The following NFIB variants were observed in gnomAD, a reference collection of about 807,000 sequenced individuals.
NFIB encodes nuclear factor I B.
A neutral mutation model predicts 61.5 loss-of-function variants in NFIB; 11 were observed. The ratio of observed to expected loss-of-function variants is 0.18; its 90% CI spans 0.11 to 0.30. The LOEUF (loss-of-function observed/expected upper bound fraction) is 0.30, where lower values mean the gene tolerates loss of function less well. NFIB is among the 10% of genes least tolerant of loss of function. NFIB has a pLI of 1.00. For synonymous variants in NFIB, 260 were observed against 216.5 expected (o/e 1.20, Z -1.76); for missense variants, 471 against 608.9 (o/e 0.77, Z 2.38).
At chr9:14,481,792 GA>G in the NFIB span, among the ~76,000 whole-genome samples, 3 of 152,104 alleles carry the variant, frequency 2.0e-5, no homozygotes, top group African/African-American at 7.2e-5. Context: ...AAGGCCTTGT[GA>G]TCTGTCAAAG....
chr9:14,334,947 T>C (rs1354526277), intron 1 of NFIB, among the ~76,000 whole-genome samples: 2 of 152,246 alleles, frequency 1.3e-5, no homozygotes, highest in Admixed American at 1.3e-4. Context: ...GTATGTACTC[T>C]TTTTCATCTG....
At chr9:14,192,952 G>C (rs1489730640) in intron 2 of NFIB, among the ~76,000 whole-genome samples, 1 of 151,788 alleles carries the variant, frequency 6.6e-6, no homozygotes. Flanking sequence ...ATAGAATTAA[G>C]CAGTATTAGA....
intron 2 of NFIB, among the ~76,000 whole-genome samples, chr9:14,216,527 T>C (rs1235192752): frequency 1.1e-3 from 35 of 30,774 alleles, no homozygotes; most frequent in African/African-American, 6.9e-3. Flanking sequence ...TCTCTCTCTC[T>C]CTCTCTCTCT....
At chr9:14,398,590 G>A in exon 1 of NFIB, 3 of 1,534,790 alleles carry the variant, frequency 2.0e-6, no homozygotes, top group East Asian at 4.9e-5. Flanking sequence ...GAACTGCACA[G>A]CAGACAACCC....
the NFIB span, among the ~76,000 whole-genome samples, chr9:14,500,750 A>C: frequency 6.6e-6 from 1 of 152,132 alleles, no homozygotes; most frequent in Non-Finnish European, 1.5e-5. Flanking sequence ...TTCTCTTCTT[A>C]GTGGGAGGAG....
At chr9:14,132,897 CT>C (rs1264309795) in intron 6 of NFIB, among the ~76,000 whole-genome samples, 1 of 151,754 alleles carries the variant, frequency 6.6e-6, no homozygotes, top group Non-Finnish European at 1.5e-5. Flanking sequence ...TTTTCTTCAT[CT>C]TCTTTTTTTG....
At chr9:14,343,903 C>G (rs2060985091) in intron 1 of NFIB, among the ~76,000 whole-genome samples, 1 of 152,110 alleles carries the variant, frequency 6.6e-6, no homozygotes, top group South Asian at 2.1e-4. Flanking sequence ...TGGTTAAAAA[C>G]TGAAGTGCAA....
chr9:14,503,621 A>T, the NFIB span, among the ~76,000 whole-genome samples: 1 of 152,052 alleles, frequency 6.6e-6, no homozygotes, highest in South Asian at 2.1e-4. Context: ...GGCCACTTGT[A>T]TATCTTCTTT....
the NFIB span, among the ~76,000 whole-genome samples, chr9:14,455,091 G>A: frequency 6.6e-6 from 1 of 152,184 alleles, no homozygotes; most frequent in African/African-American, 2.4e-5. Flanking sequence ...AATACCTGAT[G>A]ACTGTCAGGA....
At chr9:14,419,437 C>T in the NFIB span, among the ~76,000 whole-genome samples, 3 of 152,138 alleles carry the variant, frequency 2.0e-5, no homozygotes, top group Non-Finnish European at 2.9e-5. Context: ...CAACCATGCC[C>T]ACAGACAGGG....
At position 14,120,346 on chromosome 9, in the gene NFIB, T is replaced by G; in HGVS notation, c.1245+94A>C. The G allele has an allele frequency of 7.5e-7, 1 of 1,330,894 alleles. No individual in the cohort carries two copies. The highest frequency in any genetic ancestry group is 1.1e-6 in the Non-Finnish European group (1 of 929,332). 82.4% of individuals were successfully genotyped at this position (1,330,894 alleles called of 1,614,324 possible). On this transcript the variant is annotated intron_variant, in intron 8 of 10. Transcript: ENST00000380953. The surrounding 1 kb of genome is among the most constrained non-coding windows in gnomAD (Gnocchi z 4.4). ...AGATGGATTTCAAGGCTTGACGTTCTGCCAGACACACTGTCTGACTAACCT... is the reference window on the plus strand; with the variant it reads ...AGATGGATTTCAAGGCTTGACGTTCGGCCAGACACACTGTCTGACTAACCT...
Position 14,313,835 on chromosome 9 carries a change from G to C in NFIB, c.-324C>G. ...GCTTTTCGCCTGGGTTTGGGGATTT[G>C]TTTTCTATTTTGCAGTTGTTGTTGT... On this transcript the variant is annotated 5_prime_UTR_variant, in exon 1 of 11. Transcript: ENST00000380953. This position sits in a 1 kb window ranked among gnomAD's most constrained non-coding sequence, Gnocchi z 4.5. 1 of 1,270,690 alleles carries C rather than the reference G, an allele frequency of 7.9e-7. No homozygotes were observed. Among genetic ancestry groups the C allele is most frequent in the Non-Finnish European group, 1.0e-6 (1 of 1,004,232 alleles). The allele number at this position is 1,270,690 out of a possible 1,614,324, so 78.7% of individuals were successfully genotyped here. A position where few individuals can be genotyped will look rare whatever the true frequency, so the allele number is the denominator to read the frequency against.
rs577548339 is a variant in NFIB at position 14,292,380 on chromosome 9, A to G, written c.562+14609T>C. Reference sequence around the variant, plus strand: ...GAGTTAACTATTGGACTTTGAAATGAGCAACATGAAAGTGTTACTCAAGAG... The same window carrying G: ...GAGTTAACTATTGGACTTTGAAATGGGCAACATGAAAGTGTTACTCAAGAG... On this transcript the variant is annotated intron_variant, in intron 2 of 10. Transcript: ENST00000380953. 3.9e-5 allele frequency among the ~76,000 whole-genome samples: 6 copies of G among 152,342 alleles called. No individual in the cohort carries two copies. The South Asian group carries it at 1.0e-3, about 26-fold the overall frequency.
At chr9:14,507,019 T>C in the NFIB span, among the ~76,000 whole-genome samples, 1 of 152,254 alleles carries the variant, frequency 6.6e-6, no homozygotes, top group Non-Finnish European at 1.5e-5. Context: ...ATTTAAATGT[T>C]TTAAACAGTT....
At chr9:14,461,432 T>C in the NFIB span, among the ~76,000 whole-genome samples, 1 of 152,220 alleles carries the variant, frequency 6.6e-6, no homozygotes, top group Non-Finnish European at 1.5e-5. Flanking sequence ...TCAGAATTGA[T>C]ACTCTCTGCC....
chr9:14,296,399 A>G (rs1465951577), intron 2 of NFIB, among the ~76,000 whole-genome samples: 1 of 152,274 alleles, frequency 6.6e-6, no homozygotes, highest in Non-Finnish European at 1.5e-5. Context: ...AGCCAAGACT[A>G]GAACCCCAAA....
chr9:14,196,657 T>G (rs1245276575), intron 2 of NFIB, among the ~76,000 whole-genome samples: 1 of 147,762 alleles, frequency 6.8e-6, no homozygotes, highest in Non-Finnish European at 1.5e-5. Flanking sequence ...AGATTAGTAG[T>G]AATTTTACTC....
At chr9:14,315,586 G>A (rs909970659), upstream of NFIB, among the ~76,000 whole-genome samples, 2 of 145,070 alleles carry the variant, frequency 1.4e-5, no homozygotes, top group Admixed American at 6.8e-5. Context: ...GCCCTCCAGA[G>A]GCTGCGGGCC....
chr9:14,261,757 G>C (rs908819933), intron 2 of NFIB, among the ~76,000 whole-genome samples: 1 of 152,226 alleles, frequency 6.6e-6, no homozygotes, highest in Non-Finnish European at 1.5e-5. Context: ...CCACACAGCA[G>C]ACAATGGTTT....
Sources: gnomAD v4.1 joint callset for allele counts (sites outside exome capture counted in the v4.1 genomes callset) on GRCh38, gnomAD v4.1.1 for gene constraint, Gnocchi (gnomAD v3.1) non-coding constraint, MANE v1.5 for transcripts, NCBI Gene and HGNC (gene_info 2026-07-23, HGNC 2026-07-21) for gene names.